The following NEBL variants were observed in gnomAD, a reference collection of about 807,000 sequenced individuals.
The protein encoded by NEBL is LIM and SH3 protein 2.
NEBL carries 122 observed loss-of-function variants against 140.2 expected under a neutral mutation model. That is an observed-to-expected ratio of 0.87 (90% CI 0.75 to 1.01). The LOEUF (loss-of-function observed/expected upper bound fraction) is 1.01, where lower values mean the gene tolerates loss of function less well. Among genes scored for constraint, NEBL ranks in the 50% least tolerant of loss-of-function variants. The pLI is 0.00. For synonymous variants in NEBL, 436 were observed against 398.9 expected, an observed-to-expected ratio of 1.09 and a Z score of -1.11; for missense variants, 1,365 against 1,231.3, an observed-to-expected ratio of 1.11 and a Z score of -1.62.
At chr10:21,206,577 G>C (rs78127333) in intron 3 of NEBL, among the ~76,000 whole-genome samples, 2 of 152,172 alleles carry the variant, frequency 1.3e-5, no homozygotes, top group East Asian at 3.9e-4. Flanking sequence ...TTGCTTATGG[G>C]AAGTCAACAT....
intron 4 of NEBL, among the ~76,000 whole-genome samples, chr10:20,924,413 TAAAAAA>T (rs71390800): frequency 1.7e-3 from 101 of 59,062 alleles, no homozygotes; most frequent in African/African-American, 4.9e-3. Context: ...AGGCATGAAG[TAAAAAA>T]AAAAAAAAAA....
At chr10:20,834,924 C>T (rs1418463250) in intron 14 of NEBL, among the ~76,000 whole-genome samples, 2 of 152,164 alleles carry the variant, frequency 1.3e-5, no homozygotes, top group Non-Finnish European at 2.9e-5. Context: ...GACAAAACTT[C>T]TAAATCAATA....
At chr10:20,991,586 C>CT (rs1027660349) in intron 3 of NEBL, among the ~76,000 whole-genome samples, 1 of 151,604 alleles carries the variant, frequency 6.6e-6, no homozygotes, top group Non-Finnish European at 1.5e-5. Context: ...CTCATTTTTC[C>CT]TTTTTTTGTT....
At chr10:20,896,852 T>C (rs976035852) in intron 2 of NEBL, 106 bp downstream of exon 2, 1 of 986,584 alleles carries the variant, frequency 1.0e-6, no homozygotes, top group Non-Finnish European at 1.6e-6. Context: ...AGTGACTGTG[T>C]TTTAAAAGGT....
At chr10:21,024,068 GA>G (rs5783760) in intron 2 of NEBL, among the ~76,000 whole-genome samples, 11,582 of 132,968 alleles carry the variant, frequency 0.087, 1,356 homozygotes, top group African/African-American at 0.28. Flanking sequence ...TTACTCTGGG[GA>G]AAAAAAAAAA....
chr10:20,855,733 CT>C (rs1368521675), intron 9 of NEBL, among the ~76,000 whole-genome samples: 1 of 152,058 alleles, frequency 6.6e-6, no homozygotes, highest in Non-Finnish European at 1.5e-5. Flanking sequence ...TTTTCCAAAA[CT>C]TTAATTAGAA....
At chr10:20,816,750 C>CA in intron 21 of NEBL, among the ~76,000 whole-genome samples, 1 of 152,238 alleles carries the variant, frequency 6.6e-6, no homozygotes, top group East Asian at 1.9e-4. Context: ...ATTATTTCAA[C>CA]AACAGGGAAT....
chr10:21,051,601 A>C (rs2131853952), intron 2 of NEBL, among the ~76,000 whole-genome samples: 1 of 152,342 alleles, frequency 6.6e-6, no homozygotes, highest in Middle Eastern at 3.4e-3. Flanking sequence ...ATGAGGCACA[A>C]AAAAATCTAT....
chr10:21,182,668 CAT>C lies in NEBL; in HGVS notation n.349-10193_349-10192del, dbSNP rs200435856. Among the ~76,000 whole-genome samples the C allele has an allele frequency of 9.9e-3, 1,505 of 152,282 alleles. 12 individuals carry two copies. Among genetic ancestry groups the C allele is most frequent in the Non-Finnish European group, 0.015 (1,018 of 68,016 alleles). On this transcript the variant is annotated intron_variant and non_coding_transcript_variant, in intron 3 of 8. Transcript: ENST00000675702. ...CTGAGGAATAGTCCAAAGATCCACA[CAT>C]GTGTTGTCCAACAGAAATATAATGA...
chr10:20,880,896 G>A lies in NEBL; in HGVS notation c.378C>T (p.Tyr126=). The change falls in exon 5 of 28, where the codon TAC becomes TAT. Residue 126 remains tyrosine (Y), a synonymous_variant. Transcript: ENST00000377122. Reference sequence around the variant, plus strand: ...CTTTGGCAGCATCATGTTTCTGCTTGTAGGCCACCTGAAAAACACAAATAA... The same window carrying A: ...CTTTGGCAGCATCATGTTTCTGCTTATAGGCCACCTGAAAAACACAAATAA... ...EVTQLQSEVA[Y]KQKHDAAKGF... 2 of 1,613,794 alleles carry A rather than the reference G, an allele frequency of 1.2e-6. No homozygotes were observed. Among genetic ancestry groups the A allele is most frequent in the East Asian group, 2.2e-5 (1 of 44,842 alleles).
intron 4 of NEBL, among the ~76,000 whole-genome samples, chr10:20,924,180 A>G (rs1436993789): frequency 6.6e-6 from 1 of 152,058 alleles, no homozygotes; most frequent in Non-Finnish European, 1.5e-5. Flanking sequence ...AATTGTCATG[A>G]TTAGAGGCTC....
chr10:21,058,709 G>T (rs938944921), intron 2 of NEBL, among the ~76,000 whole-genome samples: 1 of 152,114 alleles, frequency 6.6e-6, no homozygotes. Flanking sequence ...GCATGTAAAG[G>T]TTCACAATTT....
At chr10:21,164,844 A>G (rs147129041) in intron 2 of NEBL, among the ~76,000 whole-genome samples, 232 of 152,366 alleles carry the variant, frequency 1.5e-3, no homozygotes, top group East Asian at 1.9e-3. Context: ...CCCAAAAAGA[A>G]AAAAGAAAAC....
At chr10:21,039,189 G>A (rs1834152460) in intron 2 of NEBL, among the ~76,000 whole-genome samples, 1 of 149,070 alleles carries the variant, frequency 6.7e-6, no homozygotes, top group Non-Finnish European at 1.5e-5. Flanking sequence ...TGTTCACTCT[G>A]ATGATAGTTT....
intron 1 of NEBL, among the ~76,000 whole-genome samples, chr10:21,252,840 A>G (rs1474478421): frequency 1.3e-5 from 2 of 152,166 alleles, no homozygotes; most frequent in Non-Finnish European, 2.9e-5. Context: ...CTGTAATCCC[A>G]GCTACTTGGG....
intron 2 of NEBL, among the ~76,000 whole-genome samples, chr10:21,101,559 C>T (rs1379015164): frequency 6.6e-6 from 1 of 152,162 alleles, no homozygotes; most frequent in Non-Finnish European, 1.5e-5. Flanking sequence ...TAATGGTTTC[C>T]CAGAGCAGAG....
intron 26 of NEBL, 58 bp downstream of exon 26, chr10:20,808,452 C>T: frequency 6.4e-7 from 1 of 1,561,524 alleles, no homozygotes; most frequent in Non-Finnish European, 8.8e-7. Context: ...TAAAGACACT[C>T]TTGTGACACA....
intron 1 of NEBL, among the ~76,000 whole-genome samples, chr10:21,259,520 G>T (rs1322682147): frequency 6.6e-6 from 1 of 151,958 alleles, no homozygotes; most frequent in East Asian, 1.9e-4. Flanking sequence ...ACCCTCAAAA[G>T]ATCCACACCT....
chr10:21,169,115 T>G (rs375223951), intron 2 of NEBL, among the ~76,000 whole-genome samples: 1 of 126,964 alleles, frequency 7.9e-6, no homozygotes, highest in Non-Finnish European at 1.7e-5. Context: ...TATTTGGACA[T>G]ATAATTAGAT....
Sources: allele counts gnomAD v4.1 joint callset (sites outside exome capture counted in the v4.1 genomes callset), GRCh38; gene constraint gnomAD v4.1.1; transcripts MANE v1.5; gene names NCBI Gene and HGNC (gene_info 2026-07-23, HGNC 2026-07-21).